PCED1B: variants seen among roughly 807,000 people sequenced by gnomAD.
PCED1B encodes PC-esterase domain containing 1B.
For missense variants in PCED1B, 573 were observed against 573.9 expected (o/e 1.00, Z 0.02); for synonymous variants, 251 against 246.1 (o/e 1.02, Z -0.19).
chr12:47,085,653 ATATATG>A (rs1182971816), intron 1 of PCED1B, among the ~76,000 whole-genome samples: 4 of 152,208 alleles, frequency 2.6e-5, no homozygotes, highest in African/African-American at 9.6e-5. Flanking sequence ...AAGAAAAAAT[ATATATG>A]TATGTTAATT....
chr12:47,212,475 G>C (rs552862425), intron 2 of PCED1B, among the ~76,000 whole-genome samples: 1 of 152,256 alleles, frequency 6.6e-6, no homozygotes, highest in Admixed American at 6.5e-5. Context: ...CCAGGACCCA[G>C]GAAGCCTGGT....
At position 47,236,008 on chromosome 12, in the gene PCED1B, C is replaced by G; in HGVS notation, c.945C>G (p.Leu315=). The part of the protein sequence containing the change: ...FPPQRLPLLP[L]LSPQPPPPIL... Reference sequence around the variant, plus strand: ...CCCAGCGCTTGCCGCTGCTCCCGCTCCTGTCCCCACAGCCTCCTCCTCCCA... The same window carrying G: ...CCCAGCGCTTGCCGCTGCTCCCGCTGCTGTCCCCACAGCCTCCTCCTCCCA... Residue 315 remains leucine, a synonymous_variant, in exon 4 of 4, where the codon CTC becomes CTG. Transcript: ENST00000546455. 1 of 1,613,470 alleles carries G rather than the reference C, an allele frequency of 6.2e-7. No individual in the cohort carries two copies. Among genetic ancestry groups the G allele is most frequent in the Non-Finnish European group, 8.5e-7 (1 of 1,179,762 alleles).
intron 2 of PCED1B, among the ~76,000 whole-genome samples, chr12:47,136,252 C>T (rs552361814): frequency 6.6e-6 from 1 of 152,162 alleles, no homozygotes; most frequent in South Asian, 2.1e-4. Flanking sequence ...CCTTTCAATT[C>T]ATTTGAATGA....
At chr12:47,232,605 A>G (rs1380244851) in intron 3 of PCED1B, among the ~76,000 whole-genome samples, 1 of 151,942 alleles carries the variant, frequency 6.6e-6, no homozygotes, top group Non-Finnish European at 1.5e-5. Flanking sequence ...GATGAAGTGG[A>G]TGCCATGTTC....
At chr12:47,228,317 C>T (rs1173312487) in intron 3 of PCED1B, among the ~76,000 whole-genome samples, 1 of 152,056 alleles carries the variant, frequency 6.6e-6, no homozygotes, top group Admixed American at 6.6e-5. Flanking sequence ...CATGATCCAC[C>T]GTGCCCTGCC....
intron 2 of PCED1B, among the ~76,000 whole-genome samples, chr12:47,199,370 T>C (rs1016821018): frequency 1.3e-5 from 2 of 152,182 alleles, no homozygotes; most frequent in African/African-American, 4.8e-5. Context: ...ATCAGCAAGT[T>C]ATTTTATGAA....
rs149681795 is a variant in PCED1B at position 47,235,080 on chromosome 12, C to T, written c.17C>T (p.Ala6Val). The change falls in exon 4 of 4, where the codon GCC (alanine) becomes GTC (valine). Residue 6 changes from alanine (A) to valine (V), a missense_variant. Physicochemically the swap from Ala to Val is moderately conservative, Grantham distance 64. Coordinates refer to ENST00000546455, the MANE Select transcript of PCED1B (RefSeq NM_138371.3). MILLR[A>V]SEVRQLLHNK... The stretch of plus-strand genomic sequence containing the variant: ...CTGGGCGTCATGATCCTTCTGCGGG[C>T]CTCCGAAGTGCGGCAGCTGCTTCAC... 29 of 1,528,128 alleles carry T rather than the reference C, an allele frequency of 1.9e-5. No individual in the cohort carries two copies. The African/African-American group carries it at 3.5e-4, about 18-fold the overall frequency. 94.7% of individuals were successfully genotyped at this position (1,528,128 alleles called of 1,614,324 possible). A position where few individuals can be genotyped will look rare whatever the true frequency, so the allele number is the denominator to read the frequency against.
intron 2 of PCED1B, among the ~76,000 whole-genome samples, chr12:47,137,304 A>G (rs907056296): frequency 6.6e-6 from 1 of 152,196 alleles, no homozygotes; most frequent in South Asian, 2.1e-4. Flanking sequence ...ATCATGTCCA[A>G]AATATGTCTT....
Position 47,180,659 on chromosome 12 carries a change from C to T in PCED1B, c.-525-35563C>T, listed in dbSNP as rs139315640. Among the ~76,000 whole-genome samples, 330 of 152,216 alleles carry T rather than the reference C, an allele frequency of 2.2e-3. 1 individual carries two copies. Among genetic ancestry groups the T allele is most frequent in the African/African-American group, 7.6e-3 (317 of 41,532 alleles). ...AGAAACCATCATTAGAGTGAACAGA[C>T]AACCTATAGAATGGGAGAACATTTT... On this transcript the variant is annotated intron_variant, in intron 2 of 3. Coordinates refer to ENST00000546455, the MANE Select transcript of PCED1B (RefSeq NM_138371.3).
intron 3 of PCED1B, among the ~76,000 whole-genome samples, chr12:47,217,124 C>A (rs773828177): frequency 6.6e-6 from 1 of 151,972 alleles, no homozygotes; most frequent in Non-Finnish European, 1.5e-5. Flanking sequence ...ATATGTAGTC[C>A]AGGTGCGGTG....
chr12:47,235,013 G>A lies in PCED1B; in HGVS notation c.-51G>A. The A allele has an allele frequency of 6.8e-7, 1 of 1,471,756 alleles. No homozygotes were observed. The highest frequency in any genetic ancestry group is 9.1e-7 in the Non-Finnish European group (1 of 1,100,314). 91.2% of individuals were successfully genotyped at this position (1,471,756 alleles called of 1,614,324 possible). A position where few individuals can be genotyped will look rare whatever the true frequency, so the allele number is the denominator to read the frequency against. On this transcript the variant is annotated 5_prime_UTR_variant, in exon 4 of 4. Transcript: ENST00000546455. ...TTCTCTCCTTCTGTCCTAGCCATCC[G>A]CAGAGCCATCCTGTGCAAAGGAAGG...
chr12:47,177,878 T>A (rs1029032590), intron 2 of PCED1B, among the ~76,000 whole-genome samples: 2 of 151,876 alleles, frequency 1.3e-5, no homozygotes, highest in Admixed American at 6.6e-5. Flanking sequence ...ACTCGGTAGG[T>A]GGAGGTTGCG....
intron 1 of PCED1B, among the ~76,000 whole-genome samples, chr12:47,092,823 A>G (rs1223766190): frequency 6.8e-6 from 1 of 147,538 alleles, no homozygotes; most frequent in Non-Finnish European, 1.5e-5. Flanking sequence ...TGATTTTTGA[A>G]TGGTAAGCCA....
chr12:47,209,549 A>G (rs1943015540), intron 2 of PCED1B: 1 of 152,268 alleles, frequency 6.6e-6, no homozygotes, highest in Non-Finnish European at 1.5e-5. Context: ...TAGACTCTCA[A>G]TAAATGGTAG....
intron 2 of PCED1B, among the ~76,000 whole-genome samples, chr12:47,176,629 T>C (rs956624313): frequency 6.6e-6 from 1 of 152,222 alleles, no homozygotes; most frequent in African/African-American, 2.4e-5. Flanking sequence ...GTAAACTGTT[T>C]TCCTGGGTTC....
intron 2 of PCED1B, among the ~76,000 whole-genome samples, chr12:47,166,861 A>G (rs568601011): frequency 6.6e-6 from 1 of 152,344 alleles, no homozygotes; most frequent in South Asian, 2.1e-4. Flanking sequence ...CAGACAGATT[A>G]ACAAGAGAAA....
At chr12:47,168,393 A>G (rs1206255795) in intron 2 of PCED1B, among the ~76,000 whole-genome samples, 1 of 152,074 alleles carries the variant, frequency 6.6e-6, no homozygotes, top group Non-Finnish European at 1.5e-5. Context: ...AGTGTCTTAT[A>G]TTTGATTGTC....
chr12:47,133,789 A>T (rs983871419), intron 2 of PCED1B, among the ~76,000 whole-genome samples: 3 of 152,164 alleles, frequency 2.0e-5, no homozygotes, highest in African/African-American at 7.2e-5. Context: ...TAAAAAGTTT[A>T]TATATTGAAA....
chr12:47,203,453 C>G (rs1942827511), intron 2 of PCED1B, among the ~76,000 whole-genome samples: 1 of 152,132 alleles, frequency 6.6e-6, no homozygotes, highest in East Asian at 1.9e-4. Flanking sequence ...CTGATTCTCT[C>G]CCTCCTCCCA....
Sources: allele counts gnomAD v4.1 joint callset (sites outside exome capture counted in the v4.1 genomes callset), GRCh38; gene constraint gnomAD v4.1.1; transcripts MANE v1.5; gene names NCBI Gene and HGNC (gene_info 2026-07-23, HGNC 2026-07-21).